Variants in PPP4R4 observed in about 807,000 individuals in gnomAD.
The protein encoded by PPP4R4 is serine/threonine-protein phosphatase 4 regulatory subunit 4.
In PPP4R4, 70 loss-of-function variants were observed where a neutral mutation model predicts 121.8. The ratio of observed to expected loss-of-function variants is 0.57; its 90% CI spans 0.47 to 0.70. The LOEUF is 0.70. Among genes scored for constraint, PPP4R4 ranks in the 30% least tolerant of loss-of-function variants. The probability of loss-of-function intolerance (pLI) is 0.00; values close to 1 mark genes in which losing one functional copy is unlikely to be tolerated. For synonymous variants in PPP4R4, 348 were observed against 355.7 expected, an observed-to-expected ratio of 0.98 and a Z score of 0.24; for missense variants, 875 against 1,033.6, an observed-to-expected ratio of 0.85 and a Z score of 2.10.
intron 22 of PPP4R4, 65 bp from the exon 23 acceptor site, chr14:94,266,894 G>A: frequency 1.9e-6 from 2 of 1,042,688 alleles, no homozygotes; most frequent in Non-Finnish European, 2.9e-6. Context: ...CAGCACAAGT[G>A]TTAGATGACT....
At chr14:94,259,008 C>T (rs929448431) in intron 18 of PPP4R4, among the ~76,000 whole-genome samples, 184 bp downstream of exon 18, 5 of 152,098 alleles carry the variant, frequency 3.3e-5, no homozygotes, top group South Asian at 2.1e-4. Flanking sequence ...ACATGGATGG[C>T]GGCAGGCAAA....
At chr14:94,223,680 A>G (rs1336534112) in intron 3 of PPP4R4, among the ~76,000 whole-genome samples, 1 of 152,192 alleles carries the variant, frequency 6.6e-6, no homozygotes, top group Non-Finnish European at 1.5e-5. Context: ...CTGTATGCAG[A>G]TGATTTTTAT....
At chr14:94,182,727 A>G (rs1394975166) in intron 2 of PPP4R4, among the ~76,000 whole-genome samples, 1 of 152,186 alleles carries the variant, frequency 6.6e-6, no homozygotes, top group Non-Finnish European at 1.5e-5. Flanking sequence ...ATGCTGTTAT[A>G]ATCATTCATG....
At chr14:94,270,632 C>G (rs947790961) in intron 23 of PPP4R4, among the ~76,000 whole-genome samples, 3 of 152,010 alleles carry the variant, frequency 2.0e-5, no homozygotes, top group African/African-American at 7.2e-5. Context: ...TGGAAAGACA[C>G]AATTCATCCA....
chr14:94,275,403 A>G lies in PPP4R4; in HGVS notation c.2479A>G (p.Ser827Gly). ...DDSFRTRNAS[S>G]VPSSFSPNTP... ...TTCATTCCGGACTCGTAATGCCAGT[A>G]GCGTTCCATCTTCCTTTTCTCCTAA... The change falls in exon 24 of 25, where the codon AGC becomes GGC. Residue 827 changes from serine (S) to glycine (G), a missense_variant. Ser to Gly is a moderately conservative substitution (Grantham distance 56). Transcript: ENST00000304338. 1.9e-6 allele frequency: 3 copies of G among 1,614,046 alleles called. No individual in the cohort carries two copies. The highest frequency in any genetic ancestry group is 1.7e-6 in the Non-Finnish European group (2 of 1,179,936).
At chr14:94,244,277 TG>T (rs1368262433) in intron 11 of PPP4R4, among the ~76,000 whole-genome samples, 1 of 152,206 alleles carries the variant, frequency 6.6e-6, no homozygotes, top group African/African-American at 2.4e-5. Context: ...TATGAACACT[TG>T]TATGCCTAGG....
Position 94,265,254 on chromosome 14 carries a change from A to C in PPP4R4, c.2198-133A>C, listed in dbSNP as rs545393498. 3 of 662,458 alleles carry C rather than the reference A, an allele frequency of 4.5e-6. No individual in the cohort carries two copies. In the South Asian group the frequency reaches 6.1e-5, roughly 14 times the overall value. The allele number at this position is 662,458 out of a possible 1,614,324, so 41.0% of individuals were successfully genotyped here. A position where few individuals can be genotyped will look rare whatever the true frequency, so the allele number is the denominator to read the frequency against. On this transcript the variant is annotated intron_variant, in intron 20 of 24. Coordinates refer to ENST00000304338, the MANE Select transcript of PPP4R4 (RefSeq NM_058237.2). ...AGATTGAAATATGTAAATATTACCA[A>C]GTAAGAATATTTGGAAAAGAAAGCT...
chr14:94,242,202 C>T, intron 10 of PPP4R4, 87 bp from the exon 11 acceptor site: 1 of 1,440,216 alleles, frequency 6.9e-7, no homozygotes, highest in East Asian at 2.3e-5. Flanking sequence ...AACATGATTT[C>T]AATTTAAGTG....
chr14:94,188,347 G>T, intron 2 of PPP4R4, among the ~76,000 whole-genome samples: 1 of 152,088 alleles, frequency 6.6e-6, no homozygotes, highest in East Asian at 1.9e-4. Flanking sequence ...CTAATATTTT[G>T]TGGAGGATTT....
At chr14:94,230,980 CT>C (rs1892002470) in intron 4 of PPP4R4, among the ~76,000 whole-genome samples, 1 of 151,796 alleles carries the variant, frequency 6.6e-6, no homozygotes, top group South Asian at 2.1e-4. Context: ...ACTTTTTTTC[CT>C]TTTCTAGCAG....
intron 2 of PPP4R4, among the ~76,000 whole-genome samples, chr14:94,203,291 C>T (rs940199118): frequency 1.2e-4 from 19 of 152,160 alleles, no homozygotes; most frequent in Non-Finnish European, 2.2e-4. Flanking sequence ...TGGAATCATA[C>T]GGTATGTAAC....
At chr14:94,187,631 C>CTT (rs552360378) in intron 2 of PPP4R4, among the ~76,000 whole-genome samples, 1 of 146,054 alleles carries the variant, frequency 6.8e-6, no homozygotes, top group Non-Finnish European at 1.5e-5. Context: ...AGTTTTTTCA[C>CTT]TTTTTTTTTT....
rs758726328 is a variant in PPP4R4 at position 94,245,573 on chromosome 14, A to G, written c.1345-14A>G. The G allele has an allele frequency of 1.1e-5, 16 of 1,441,490 alleles. No individual in the cohort carries two copies. The East Asian group carries it at 3.7e-4, about 34-fold the overall frequency. 89.3% of individuals were successfully genotyped at this position (1,441,490 alleles called of 1,614,324 possible). ...AGTAATCACTATAACAGTAATCAAT[A>G]TCTCTGTTAAAAGGTACTAGATGCT... On this transcript the variant is annotated splice_polypyrimidine_tract_variant and intron_variant, in intron 12 of 24. Transcript: ENST00000304338.
At chr14:94,250,077 A>C (rs978436329) in intron 14 of PPP4R4, 95 bp from the exon 15 acceptor site, 3 of 762,158 alleles carry the variant, frequency 3.9e-6, no homozygotes, top group Admixed American at 4.0e-5. Flanking sequence ...TGAACACTTT[A>C]GTTTTGTCAA....
chr14:94,187,216 G>A (rs180906698), intron 2 of PPP4R4, among the ~76,000 whole-genome samples: 321 of 152,132 alleles, frequency 2.1e-3, no homozygotes, highest in Middle Eastern at 6.8e-3. Flanking sequence ...GGAGGCTGAG[G>A]CAAGAGAATT....
chr14:94,264,405 G>A (rs1186969878), intron 19 of PPP4R4, among the ~76,000 whole-genome samples: 1 of 151,974 alleles, frequency 6.6e-6, no homozygotes, highest in Non-Finnish European at 1.5e-5. Context: ...ACCCATCTTG[G>A]CCTCCCAAAG....
intron 18 of PPP4R4, 94 bp from the exon 19 acceptor site, chr14:94,259,201 A>G (rs1893639509): frequency 1.5e-5 from 22 of 1,508,904 alleles, no homozygotes; most frequent in Non-Finnish European, 1.9e-5. Context: ...GGGGACACAG[A>G]GTCAAACCAT....
At chr14:94,251,707 T>C (rs1419789909) in intron 15 of PPP4R4, 42 bp from the exon 16 acceptor site, 4 of 1,431,438 alleles carry the variant, frequency 2.8e-6, no homozygotes, top group Non-Finnish European at 3.7e-6. Context: ...TAATTTCATA[T>C]AGGAAAAATT....
chr14:94,265,487 T>A lies in PPP4R4; in HGVS notation c.2284+14T>A, dbSNP rs752666642. On this transcript the variant is annotated intron_variant, in intron 21 of 24. Transcript: ENST00000304338. ...CCCCATCGACAAGTAAGAAATAACT[T>A]CTTTTTATATCTTTTTGTAATTTTT... 6.4e-7 allele frequency: 1 copy of A among 1,567,328 alleles called. No individual in the cohort carries two copies. Among genetic ancestry groups the A allele is most frequent in the South Asian group, 1.1e-5 (1 of 89,504 alleles).
Sources: allele counts gnomAD v4.1 joint callset (sites outside exome capture counted in the v4.1 genomes callset), GRCh38; gene constraint gnomAD v4.1.1; transcripts MANE v1.5; gene names NCBI Gene and HGNC (gene_info 2026-07-23, HGNC 2026-07-21).